AK5: variants seen among roughly 807,000 people sequenced by gnomAD.
The protein encoded by AK5 is adenylate kinase 5.
Under a neutral mutation model 69.5 loss-of-function variants are expected in AK5, and 27 were observed. That is an observed-to-expected ratio of 0.39 (90% CI 0.29 to 0.54). The LOEUF (loss-of-function observed/expected upper bound fraction) is 0.54. Among genes scored for constraint, AK5 ranks in the 20% least tolerant of loss-of-function variants. AK5 has a pLI of 0.71. For synonymous variants in AK5, 260 were observed against 244.4 expected (o/e 1.06, Z -0.60); for missense variants, 531 against 700.4 (o/e 0.76, Z 2.73).
chr1:77,283,481 C>T, intron 1 of AK5: 1 of 985,400 alleles, frequency 1.0e-6, no homozygotes, highest in South Asian at 4.7e-5. Flanking sequence ...TTTTAAAGCA[C>T]CACTTGAGAA....
At chr1:77,330,699 G>A (rs1447657202) in intron 5 of AK5, among the ~76,000 whole-genome samples, 2 of 152,122 alleles carry the variant, frequency 1.3e-5, no homozygotes. Flanking sequence ...TTGATCTTCT[G>A]CATTTCCAAA....
intron 2 of AK5, among the ~76,000 whole-genome samples, chr1:77,290,304 T>C (rs1381936565): frequency 6.6e-6 from 1 of 152,236 alleles, no homozygotes. Flanking sequence ...ATGTGTGGAA[T>C]AGTTTATTAC....
At chr1:77,392,527 A>G (rs1233956396) in intron 6 of AK5, among the ~76,000 whole-genome samples, 1 of 152,248 alleles carries the variant, frequency 6.6e-6, no homozygotes, top group African/African-American at 2.4e-5. Context: ...ATCATTAAAA[A>G]TTATGTATCT....
At chr1:77,343,328 T>A (rs539849359) in intron 6 of AK5, among the ~76,000 whole-genome samples, 1 of 152,158 alleles carries the variant, frequency 6.6e-6, no homozygotes, top group Non-Finnish European at 1.5e-5. Flanking sequence ...TTAGTACCCC[T>A]CTTCTCTGGC....
At chr1:77,422,765 C>A (rs1182325017) in intron 8 of AK5, among the ~76,000 whole-genome samples, 1 of 152,174 alleles carries the variant, frequency 6.6e-6, no homozygotes, top group East Asian at 1.9e-4. Flanking sequence ...TGCCACGGAG[C>A]CTGGCATATG....
rs115160075 is a variant in AK5, at chr1:77,360,491, G to T, written c.891+19923G>T. Reference sequence around the variant, plus strand: ...AAACCAGGATAGAGTAGGCAGAGAAGTTAGGGGGGGTGGATGTCAGAAAAT... The same window carrying T: ...AAACCAGGATAGAGTAGGCAGAGAATTTAGGGGGGGTGGATGTCAGAAAAT... On this transcript the variant is annotated intron_variant, in intron 6 of 13. Coordinates refer to ENST00000354567, the MANE Select transcript of AK5 (RefSeq NM_174858.3). 6.1e-3 allele frequency among the ~76,000 whole-genome samples: 928 copies of T among 152,198 alleles called. 7 individuals are homozygous for T. The highest frequency in any genetic ancestry group is 0.021 in the African/African-American group (863 of 41,540).
At chr1:77,353,207 G>A (rs937432471) in intron 6 of AK5, among the ~76,000 whole-genome samples, 25 of 152,136 alleles carry the variant, frequency 1.6e-4, no homozygotes, top group African/African-American at 6.0e-4. Flanking sequence ...GCCAGGCATG[G>A]TGGCTCAAGC....
intron 8 of AK5, among the ~76,000 whole-genome samples, chr1:77,441,657 G>A (rs559753680): frequency 1.3e-5 from 2 of 152,318 alleles, no homozygotes; most frequent in South Asian, 4.1e-4. Context: ...ATCCTCAGTG[G>A]CAAGGGCTTC....
chr1:77,525,339 C>T (rs576584139), intron 12 of AK5, among the ~76,000 whole-genome samples: 3 of 152,276 alleles, frequency 2.0e-5, no homozygotes, highest in South Asian at 2.1e-4. Context: ...TATGTTAGTC[C>T]GTTCGCATTG....
In AK5 at chr1:77,282,166, G is replaced by A; in HGVS notation, c.-148G>A. 3.2e-6 allele frequency: 2 copies of A among 628,570 alleles called. No individual in the cohort carries two copies. The highest frequency in any genetic ancestry group is 2.8e-5 in the South Asian group (1 of 35,384). The allele number at this position is 628,570 out of a possible 1,614,324, so 38.9% of individuals were successfully genotyped here. ...AGAGGCGGAGGGGGTCCCTGGCCTG[G>A]GCGGAGAGGCTGAGCTGAGTGCGCG... On this transcript the variant is annotated 5_prime_UTR_variant, in exon 1 of 14. Coordinates refer to ENST00000354567, the MANE Select transcript of AK5 (RefSeq NM_174858.3).
At chr1:77,494,800 G>C (rs1377041778) in intron 10 of AK5, among the ~76,000 whole-genome samples, 1 of 123,258 alleles carries the variant, frequency 8.1e-6, no homozygotes, top group Non-Finnish European at 1.7e-5. Context: ...TTTTTTTTTT[G>C]AGACGGAGTC....
In AK5 at chr1:77,367,589, T is replaced by TAA. The variant is rs1553139773; in HGVS notation, c.891+27021_891+27022insAA. 2.0e-3 allele frequency among the ~76,000 whole-genome samples: 89 copies of TAA among 43,594 alleles called. 10 individuals are homozygous for TAA. Among genetic ancestry groups the TAA allele is most frequent in the African/African-American group, 6.3e-3 (78 of 12,480 alleles). 28.6% of individuals were successfully genotyped at this position (43,594 alleles called of 152,430 possible). A position where few individuals can be genotyped will look rare whatever the true frequency, so the allele number is the denominator to read the frequency against. On this transcript the variant is annotated intron_variant, in intron 6 of 13. Coordinates refer to ENST00000354567, the MANE Select transcript of AK5 (RefSeq NM_174858.3). ...TATATATATATATATAATATATATG[T>TAA]TATATATGTAATATATATGTAATAT...
chr1:77,331,231 G>T (rs918784152), intron 5 of AK5, among the ~76,000 whole-genome samples: 1 of 151,778 alleles, frequency 6.6e-6, no homozygotes, highest in Non-Finnish European at 1.5e-5. Context: ...TTATTGAACT[G>T]TCTAAAATCT....
intron 3 of AK5, among the ~76,000 whole-genome samples, chr1:77,294,619 G>A (rs1658881262): frequency 6.6e-6 from 1 of 151,938 alleles, no homozygotes; most frequent in Non-Finnish European, 1.5e-5. Context: ...ATAGAATAGT[G>A]TTTTACATAG....
chr1:77,337,095 G>T (rs1290660967), intron 5 of AK5, among the ~76,000 whole-genome samples: 1 of 152,028 alleles, frequency 6.6e-6, no homozygotes, highest in East Asian at 1.9e-4. Context: ...ACCTAAAACT[G>T]CTTGGAAAAA....
intron 10 of AK5, among the ~76,000 whole-genome samples, chr1:77,497,636 G>A (rs1280391403): frequency 1.3e-5 from 2 of 152,234 alleles, no homozygotes; most frequent in African/African-American, 4.8e-5. Context: ...CACCCAGGCT[G>A]AAGTGCAGTG....
At chr1:77,521,227 G>A (rs1019789033) in intron 11 of AK5, among the ~76,000 whole-genome samples, 1 of 151,556 alleles carries the variant, frequency 6.6e-6, no homozygotes, top group Non-Finnish European at 1.5e-5. Flanking sequence ...TCCACCTCCC[G>A]AGTTCAAGCG....
intron 6 of AK5, among the ~76,000 whole-genome samples, chr1:77,389,381 T>A (rs1407776943): frequency 6.6e-6 from 1 of 152,208 alleles, no homozygotes; most frequent in Non-Finnish European, 1.5e-5. Flanking sequence ...AAGAATAGTT[T>A]CTGTGCCTTG....
At chr1:77,531,233 AG>A (rs1658561695) in intron 12 of AK5, among the ~76,000 whole-genome samples, 1 of 152,162 alleles carries the variant, frequency 6.6e-6, no homozygotes, top group Admixed American at 6.5e-5. Context: ...TCATAAAGGC[AG>A]TGTGGACCCA....
Sources: allele counts gnomAD v4.1 joint callset (sites outside exome capture counted in the v4.1 genomes callset), GRCh38; gene constraint gnomAD v4.1.1; transcripts MANE v1.5; gene names NCBI Gene and HGNC (gene_info 2026-07-23, HGNC 2026-07-21).